ADCY1: variants seen among roughly 807,000 people sequenced by gnomAD.
The protein encoded by ADCY1 is adenylate cyclase 1, also known as adenylate cyclase type 1.
Under a neutral mutation model 105.4 loss-of-function variants are expected in ADCY1, and 28 were observed. That is an observed-to-expected ratio of 0.27 (90% CI 0.20 to 0.36). The LOEUF (loss-of-function observed/expected upper bound fraction) is 0.36, where lower values mean the gene tolerates loss of function less well. Among genes scored for constraint, ADCY1 ranks in the 10% least tolerant of loss-of-function variants. The pLI is 1.00. For synonymous variants in ADCY1, 655 were observed against 623.8 expected, an observed-to-expected ratio of 1.05 and a Z score of -0.75; for missense variants, 977 against 1,434.2, an observed-to-expected ratio of 0.68 and a Z score of 5.15.
intron 1 of ADCY1, among the ~76,000 whole-genome samples, chr7:45,582,288 C>T (rs1408269369): frequency 6.6e-6 from 1 of 152,176 alleles, no homozygotes. Flanking sequence ...TCAGCAGCAC[C>T]ACCACAGAGA....
chr7:45,652,410 A>G (rs955996225), intron 5 of ADCY1, among the ~76,000 whole-genome samples: 5 of 152,222 alleles, frequency 3.3e-5, no homozygotes, highest in Non-Finnish European at 5.9e-5. Flanking sequence ...TTTCAGGCCA[A>G]TGCTTTGCTG....
rs1319082595 is a variant in ADCY1 at position 45,575,168 on chromosome 7, C to G, written c.625C>G (p.Arg209Gly). 1 of 1,604,266 alleles carries G rather than the reference C, an allele frequency of 6.2e-7. No individual in the cohort carries two copies. Among genetic ancestry groups the G allele is most frequent in the Non-Finnish European group, 8.5e-7 (1 of 1,175,552 alleles). ...CACCTTGGTCCCCGCCAAGCGCCCA[C>G]GTCTCTGGAGGACGGTAAGTGCAGC... ...TATLVPAKRP[R>G]LWRTLGANAL... Residue 209 changes from arginine (R) to glycine (G), a missense_variant, in exon 1 of 20, where the codon CGT becomes GGT. Transcript: ENST00000297323. The surrounding 1 kb of genome is among the most constrained non-coding windows in gnomAD (Gnocchi z 4.7).
rs540873999 is a variant in ADCY1, at chr7:45,635,614, T to G, written c.1020+12871T>G. ...CTAATTTCTCTTGTTTTTTTTTTTT[T>G]TTTTTTTTTTTTTTTCCAGACCCAT... is the stretch of plus-strand genomic sequence containing the variant. On this transcript the variant is annotated intron_variant, in intron 4 of 19. Transcript: ENST00000297323. 3.2e-4 allele frequency among the ~76,000 whole-genome samples: 45 copies of G among 139,628 alleles called. No homozygotes were observed. In the East Asian group the frequency reaches 7.2e-3, roughly 22 times the overall value. 91.6% of individuals were successfully genotyped at this position (139,628 alleles called of 152,430 possible). A position where few individuals can be genotyped will look rare whatever the true frequency, so the allele number is the denominator to read the frequency against.
chr7:45,682,087 A>ACCT (rs1344176765), intron 11 of ADCY1, among the ~76,000 whole-genome samples: 1 of 151,974 alleles, frequency 6.6e-6, no homozygotes, highest in Non-Finnish European at 1.5e-5. Context: ...GATGGCCCCC[A>ACCT]CCTCACTGGC....
intron 1 of ADCY1, 106 bp from the exon 2 acceptor site, chr7:45,592,653 C>A (rs576410352): frequency 2.7e-6 from 4 of 1,496,214 alleles, no homozygotes; most frequent in African/African-American, 1.4e-5. Context: ...TTGGCCCGGG[C>A]GGCGTGGCTT....
intron 3 of ADCY1, among the ~76,000 whole-genome samples, chr7:45,617,710 A>G (rs1186391447): frequency 1.3e-5 from 2 of 152,256 alleles, no homozygotes; most frequent in African/African-American, 4.8e-5. Flanking sequence ...AAAAACTATA[A>G]AACAATGATG....
intron 2 of ADCY1, among the ~76,000 whole-genome samples, chr7:45,595,414 C>T (rs1284251345): frequency 1.3e-5 from 2 of 152,200 alleles, no homozygotes; most frequent in African/African-American, 4.8e-5. Flanking sequence ...AACTTTCTCC[C>T]TCCCTGCCTC....
intron 3 of ADCY1, among the ~76,000 whole-genome samples, chr7:45,615,091 A>G (rs1793701637): frequency 6.6e-6 from 1 of 152,258 alleles, no homozygotes; most frequent in African/African-American, 2.4e-5. Context: ...TCTCAAGTGC[A>G]CATGGATCTT....
intron 8 of ADCY1, among the ~76,000 whole-genome samples, chr7:45,668,938 G>C (rs1021876600): frequency 6.6e-6 from 1 of 152,172 alleles, no homozygotes; most frequent in East Asian, 1.9e-4. Flanking sequence ...ATAGTATTCT[G>C]TGATGGTAGT....
chr7:45,661,903 G>C lies in ADCY1; in HGVS notation c.1450-156G>C, dbSNP rs182276501. On this transcript the variant is annotated intron_variant, in intron 7 of 19. Coordinates refer to ENST00000297323, the MANE Select transcript of ADCY1 (RefSeq NM_021116.4). ...ATGGTTTTGTTTGCTGCTCTATTCT[G>C]GGCACGTTCCCCAATGCCTGGCTTG... 1.0e-3 allele frequency among the ~76,000 whole-genome samples: 156 copies of C among 152,148 alleles called. 1 individual carries two copies. The highest frequency in any genetic ancestry group is 2.2e-3 in the Admixed American group (34 of 15,288).
intron 4 of ADCY1, among the ~76,000 whole-genome samples, chr7:45,623,192 C>T (rs1003159274): frequency 2.0e-5 from 3 of 152,242 alleles, no homozygotes; most frequent in Admixed American, 1.3e-4. Flanking sequence ...CAGTTGCTGA[C>T]GTCTCCTGAT....
chr7:45,712,160 TTAAA>T (rs1785271149), intron 19 of ADCY1, among the ~76,000 whole-genome samples: 1 of 141,814 alleles, frequency 7.1e-6, no homozygotes, highest in South Asian at 2.1e-4. Flanking sequence ...ATTTTAAATT[TTAAA>T]TATTTTATAA....
intron 4 of ADCY1, among the ~76,000 whole-genome samples, chr7:45,641,495 C>T (rs1316811368): frequency 1.3e-5 from 2 of 152,150 alleles, no homozygotes; most frequent in African/African-American, 4.8e-5. Context: ...CTCGCTGCCT[C>T]CATAAATCCT....
rs972712891 is a variant in ADCY1, at chr7:45,703,300, T to G, written c.2455-76T>G. On this transcript the variant is annotated intron_variant, in intron 14 of 19. Coordinates refer to ENST00000297323, the MANE Select transcript of ADCY1 (RefSeq NM_021116.4). This position sits in a 1 kb window ranked among gnomAD's most constrained non-coding sequence, Gnocchi z 5.9. ...ACACCTGGAGTCCAGTTTGGATGAT[T>G]AGAAGGAAGTGTGCGGTGGGAACAA... 179 of 1,401,232 alleles carry G rather than the reference T, an allele frequency of 1.3e-4. No homozygotes were observed. The highest frequency in any genetic ancestry group is 1.7e-4 in the Non-Finnish European group (173 of 989,446). The allele number at this position is 1,401,232 out of a possible 1,614,324, so 86.8% of individuals were successfully genotyped here.
intron 5 of ADCY1, among the ~76,000 whole-genome samples, chr7:45,649,194 G>A (rs1794747703): frequency 6.6e-6 from 1 of 152,234 alleles, no homozygotes; most frequent in African/African-American, 2.4e-5. Context: ...TCTTCACTCA[G>A]CAAGGTAACT....
At chr7:45,656,946 G>A (rs1030322687) in intron 5 of ADCY1, among the ~76,000 whole-genome samples, 1 of 152,244 alleles carries the variant, frequency 6.6e-6, no homozygotes, top group Non-Finnish European at 1.5e-5. Context: ...AGTGAATTTA[G>A]CTGGAGCTGG....
intron 17 of ADCY1, among the ~76,000 whole-genome samples, chr7:45,707,340 T>C (rs1785140991): frequency 6.6e-6 from 1 of 152,210 alleles, no homozygotes; most frequent in Non-Finnish European, 1.5e-5. Flanking sequence ...TAAGGTAGAA[T>C]ATTATTAAGT....
intron 2 of ADCY1, among the ~76,000 whole-genome samples, chr7:45,602,422 T>C (rs898059664): frequency 1.3e-5 from 2 of 152,138 alleles, no homozygotes; most frequent in East Asian, 1.9e-4. Context: ...TTCCATACTA[T>C]GGAGCTGGCC....
At chr7:45,625,692 G>C (rs1476082794) in intron 4 of ADCY1, among the ~76,000 whole-genome samples, 2 of 151,856 alleles carry the variant, frequency 1.3e-5, no homozygotes, top group African/African-American at 4.8e-5. Flanking sequence ...GTGTACCTGT[G>C]TGAGTGTGCA....
Sources: allele counts gnomAD v4.1 joint callset (sites outside exome capture counted in the v4.1 genomes callset), GRCh38; gene constraint gnomAD v4.1.1; non-coding constraint Gnocchi (gnomAD v3.1); transcripts MANE v1.5; gene names NCBI Gene and HGNC (gene_info 2026-07-23, HGNC 2026-07-21).